The following MAD2L2 variants were observed in gnomAD, a reference collection of about 807,000 sequenced individuals.
MAD2L2 encodes the protein mitotic spindle assembly checkpoint protein MAD2B.
In MAD2L2, 17 loss-of-function variants were observed where a neutral mutation model predicts 30.5. The observed-to-expected ratio is 0.56, with a 90% CI of 0.38 to 0.84. The LOEUF (loss-of-function observed/expected upper bound fraction) is 0.84, where lower values mean the gene tolerates loss of function less well. Ranked by LOEUF, MAD2L2 falls within the 40% of genes least tolerant of loss-of-function variation. The probability of loss-of-function intolerance (pLI) is 0.00; values close to 1 mark genes in which losing one functional copy is unlikely to be tolerated. For missense variants in MAD2L2, 213 were observed against 277.4 expected, an observed-to-expected ratio of 0.77 and a Z score of 1.65; for synonymous variants, 101 against 113.9, an observed-to-expected ratio of 0.89 and a Z score of 0.72.
In MAD2L2 at chr1:11,687,669, C is replaced by A. The variant is rs1294764425; in HGVS notation, c.-692+3744G>T. The stretch of plus-strand genomic sequence containing the variant: ...AGGATTACAGGCATGAGCCACTGCG[C>A]CTGACCTGGACTTGCCAATACGGAA... On this transcript the variant is annotated intron_variant, in intron 1 of 10. Transcript: ENST00000235310. This position sits in a 1 kb window ranked among gnomAD's most constrained non-coding sequence, Gnocchi z 4.1. 6.6e-6 allele frequency among the ~76,000 whole-genome samples: 1 copy of A among 152,238 alleles called. No homozygotes were observed. Among genetic ancestry groups the A allele is most frequent in the African/African-American group, 2.4e-5 (1 of 41,462 alleles).
At chr1:11,680,010 TTTG>T (rs1557679894) in intron 3 of MAD2L2, among the ~76,000 whole-genome samples, 6 of 142,662 alleles carry the variant, frequency 4.2e-5, no homozygotes, top group South Asian at 2.2e-4. Flanking sequence ...TTTTTTTTTT[TTTG>T]AGACGGAGTT....
chr1:11,688,877 C>T lies in MAD2L2; in HGVS notation c.-692+2536G>A, dbSNP rs189554262. 6.6e-6 allele frequency among the ~76,000 whole-genome samples: 1 copy of T among 152,306 alleles called. No homozygotes were observed. Among genetic ancestry groups the T allele is most frequent in the African/African-American group, 2.4e-5 (1 of 41,578 alleles). ...TTTGCAGTAAGGAAGCCTGTCAAAA[C>T]CCACCAAAAGCAAGATGGCCACGAG... On this transcript the variant is annotated intron_variant, in intron 1 of 10. Transcript: ENST00000235310. This position sits in a 1 kb window ranked among gnomAD's most constrained non-coding sequence, Gnocchi z 4.6.
Position 11,677,559 on chromosome 1 carries a change from T to C in MAD2L2, c.215A>G (p.Lys72Arg), listed in dbSNP as rs1426110143. ...QYIQDTLHCVKPLLEKNDVEK... is the reference protein window; with the variant it reads ...QYIQDTLHCVRPLLEKNDVEK... ...CACCCTCACCTTCTCCAGGAGTGGC[T>C]TGACGCAGTGCAGCGTGTCCTGGAT... The change falls in exon 4 of 9, where the codon AAG (lysine) becomes AGG (arginine). Residue 72 changes from lysine (K) to arginine (R), a missense_variant. Transcript: ENST00000376692. 1.9e-6 allele frequency: 3 copies of C among 1,613,960 alleles called. No homozygotes were observed. The highest frequency in any genetic ancestry group is 1.3e-5 in the African/African-American group (1 of 75,072).
rs759350282 is a variant in MAD2L2, at chr1:11,675,703, C to T, written c.456G>A (p.Thr152=). The T allele has an allele frequency of 8.1e-6, 13 of 1,613,926 alleles. No individual in the cohort carries two copies. Among genetic ancestry groups the T allele is most frequent in the Non-Finnish European group, 2.5e-6 (3 of 1,180,000 alleles). The change falls in exon 7 of 9, where the codon ACG becomes ACA. Residue 152 remains threonine (T), a synonymous_variant. Transcript: ENST00000376692. Reference sequence around the variant, plus strand: ...CCATGTTGCGAGTGGCGGCTTCTCTCGTGTGCACCAGGACTGTGAAGGTAC... The same window carrying T: ...CCATGTTGCGAGTGGCGGCTTCTCTTGTGTGCACCAGGACTGTGAAGGTAC... ...PGCTFTVLVH[T]REAATRNMEK...
At chr1:11,680,295 CAA>C in intron 3 of MAD2L2, 56 bp downstream of exon 3, 1 of 1,453,944 alleles carries the variant, frequency 6.9e-7, no homozygotes. Flanking sequence ...GGCGCCCGAC[CAA>C]AGAATTTTTA....
chr1:11,684,237 C>T (rs1421436016), upstream of MAD2L2, among the ~76,000 whole-genome samples: 2 of 152,290 alleles, frequency 1.3e-5, no homozygotes, highest in African/African-American at 4.8e-5. Flanking sequence ...AACACTCCAT[C>T]CATGCGCTCT....
intron 3 of MAD2L2, among the ~76,000 whole-genome samples, chr1:11,679,910 C>T (rs1277811705): frequency 1.3e-5 from 2 of 150,958 alleles, no homozygotes; most frequent in Non-Finnish European, 2.9e-5. Flanking sequence ...GGCATCACCA[C>T]TTTGGAACTG....
rs966678577 is a variant in MAD2L2 at position 11,690,987 on chromosome 1, C to T, written c.-692+426G>A. Among the ~76,000 whole-genome samples the T allele has an allele frequency of 2.0e-5, 3 of 152,230 alleles. No individual in the cohort carries two copies. Among genetic ancestry groups the T allele is most frequent in the Non-Finnish European group, 4.4e-5 (3 of 67,990 alleles). ...ATTGGGGCGGTTGTCTTTCTCCCTT[C>T]CCTACCGGGAAAGAGGGCACAGGTG... is the stretch of plus-strand genomic sequence containing the variant. On this transcript the variant is annotated intron_variant, in intron 1 of 10. Coordinates refer to the MAD2L2 transcript ENST00000235310. The surrounding 1 kb of genome is among the most constrained non-coding windows in gnomAD (Gnocchi z 4.2).
upstream of MAD2L2, among the ~76,000 whole-genome samples, chr1:11,685,886 A>G (rs1246366669): frequency 6.6e-6 from 1 of 152,096 alleles, no homozygotes. Flanking sequence ...CAGGAAATCA[A>G]CGCTGCAGTG....
chr1:11,676,187 C>T (rs775281295), intron 5 of MAD2L2, 47 bp from the exon 6 acceptor site: 24 of 1,276,526 alleles, frequency 1.9e-5, no homozygotes, highest in African/African-American at 2.9e-5. Context: ...CCCTCCCCTC[C>T]ACCACAGGCA....
At chr1:11,679,506 C>G (rs577981596) in intron 3 of MAD2L2, among the ~76,000 whole-genome samples, 1 of 152,204 alleles carries the variant, frequency 6.6e-6, no homozygotes, top group East Asian at 1.9e-4. Context: ...CGAGCTCCTT[C>G]AAAGTGCCAC....
chr1:11,680,464 G>A lies in MAD2L2; in HGVS notation c.48C>T (p.Ala16=), dbSNP rs1199952278. ...RQDLNFGQVV[A]DVLCEFLEVA... is the part of the protein sequence containing the mutation. The stretch of plus-strand genomic sequence containing the variant: ...CCTCCAGGAACTCGCAGAGCACATC[G>A]GCCACCACTGCAGGGGGGCACAAGC... The change falls in exon 3 of 9, where the codon GCC becomes GCT. Residue 16 remains alanine (A), a synonymous_variant. Transcript: ENST00000376692. 5.6e-6 allele frequency: 9 copies of A among 1,613,592 alleles called. No homozygotes were observed. In the Admixed American group the frequency reaches 1.0e-4, roughly 18 times the overall value.
intron 7 of MAD2L2, among the ~76,000 whole-genome samples, 199 bp downstream of exon 7, chr1:11,675,459 A>C (rs1386367180): frequency 6.6e-6 from 1 of 152,200 alleles, no homozygotes; most frequent in Non-Finnish European, 1.5e-5. Flanking sequence ...TGGGGGCCCC[A>C]GTAGGTGGCT....
chr1:11,689,618 G>A (rs1350591402), intron 1 of MAD2L2, among the ~76,000 whole-genome samples: 2 of 152,182 alleles, frequency 1.3e-5, no homozygotes, highest in South Asian at 2.1e-4. Flanking sequence ...AAGGCGGGGG[G>A]AGGGGAGAAG....
rs552422749 is a variant in MAD2L2 at position 11,677,076 on chromosome 1, G to A, written c.232-128C>T. ...CACAGCCCTGCTCAGCTGCTAGGCT[G>A]GGGGTCCCCAAGAGGCCAGATAGCG... is the stretch of plus-strand genomic sequence containing the variant. On this transcript the variant is annotated intron_variant, in intron 4 of 8. Coordinates refer to ENST00000376692, the MANE Select transcript of MAD2L2 (RefSeq NM_006341.4). 2.2e-5 allele frequency: 17 copies of A among 756,572 alleles called. No homozygotes were observed. The South Asian group carries it at 2.4e-4, about 11-fold the overall frequency. The allele number at this position is 756,572 out of a possible 1,614,324, so 46.9% of individuals were successfully genotyped here.
chr1:11,680,307 A>G, intron 3 of MAD2L2, 46 bp downstream of exon 3: 1 of 1,514,682 alleles, frequency 6.6e-7, no homozygotes, highest in Non-Finnish European at 9.1e-7. Context: ...AAGAATTTTT[A>G]AAAGTCCACC....
chr1:11,675,014 C>T, intron 8 of MAD2L2, 68 bp downstream of exon 8: 1 of 1,407,812 alleles, frequency 7.1e-7, no homozygotes. Context: ...CTAGTAAGGC[C>T]TCAGCACCGG....
rs766344284 is a variant in MAD2L2 at position 11,677,632 on chromosome 1, C to T, written c.160-18G>A. The T allele has an allele frequency of 6.2e-6, 10 of 1,607,294 alleles. No individual in the cohort carries two copies. The highest frequency in any genetic ancestry group is 4.4e-5 in the South Asian group (4 of 90,764). ...CAGGACATCTGCACACAATACCATG[C>T]GGCTCGTGAGGCCCAAAGCACAGAT... is the stretch of plus-strand genomic sequence containing the variant. On this transcript the variant is annotated intron_variant, in intron 3 of 8. Transcript: ENST00000376692.
chr1:11,688,384 ACT>A lies in MAD2L2; in HGVS notation c.-692+3027_-692+3028del, dbSNP rs1233853315. 2.0e-5 allele frequency among the ~76,000 whole-genome samples: 3 copies of A among 152,058 alleles called. No individual in the cohort carries two copies. The highest frequency in any genetic ancestry group is 7.2e-5 in the African/African-American group (3 of 41,386). On this transcript the variant is annotated intron_variant, in intron 1 of 10. Coordinates refer to the MAD2L2 transcript ENST00000235310. The surrounding 1 kb of genome is among the most constrained non-coding windows in gnomAD (Gnocchi z 4.6). ...AGACCATCCTGGCTAACATGGGGAAACTCTGTCTCTACTAAAAATACAAAAAA... is the reference window on the plus strand; with the variant it reads ...AGACCATCCTGGCTAACATGGGGAAACTGTCTCTACTAAAAATACAAAAAA...
Sources: allele counts gnomAD v4.1 joint callset (sites outside exome capture counted in the v4.1 genomes callset), GRCh38; gene constraint gnomAD v4.1.1; non-coding constraint Gnocchi (gnomAD v3.1); transcripts MANE v1.5; gene names NCBI Gene and HGNC (gene_info 2026-07-23, HGNC 2026-07-21).